The following CEP192 variants were observed in gnomAD, a reference collection of about 807,000 sequenced individuals.
CEP192 encodes the protein centrosomal protein of 192 kDa.
In CEP192, 151 loss-of-function variants were observed where a neutral mutation model predicts 271.8. That is an observed-to-expected ratio of 0.56 (90% CI 0.49 to 0.64). The LOEUF (loss-of-function observed/expected upper bound fraction) is 0.64, where lower values mean the gene tolerates loss of function less well. Ranked by LOEUF, CEP192 falls within the 30% of genes least tolerant of loss-of-function variation. The probability of loss-of-function intolerance (pLI) is 0.00; values close to 1 mark genes in which losing one functional copy is unlikely to be tolerated. For synonymous variants in CEP192, 995 were observed against 1,076.5 expected (o/e 0.92, Z 1.48); for missense variants, 2,910 against 3,020.5 (o/e 0.96, Z 0.86).
intron 40 of CEP192, among the ~76,000 whole-genome samples, chr18:13,111,450 C>G (rs2040206742): frequency 6.6e-6 from 1 of 152,098 alleles, no homozygotes; most frequent in Non-Finnish European, 1.5e-5. Flanking sequence ...TATTAACCAT[C>G]ACACTTACCT....
intron 21 of CEP192, among the ~76,000 whole-genome samples, chr18:13,067,322 A>G (rs2037763011): frequency 6.6e-6 from 1 of 152,130 alleles, no homozygotes; most frequent in South Asian, 2.1e-4. Context: ...ACTGTCAAAC[A>G]TTTCCACATG....
At chr18:13,106,678 G>A (rs1463813020) in intron 40 of CEP192, among the ~76,000 whole-genome samples, 2 of 132,606 alleles carry the variant, frequency 1.5e-5, no homozygotes, top group African/African-American at 2.9e-5. Flanking sequence ...CACCACCACC[G>A]CCACCACTCC....
chr18:13,082,834 C>G (rs2038694062), intron 30 of CEP192, among the ~76,000 whole-genome samples: 1 of 152,182 alleles, frequency 6.6e-6, no homozygotes, highest in Non-Finnish European at 1.5e-5. Context: ...CAAAATCTCT[C>G]AGCGTTTGCT....
chr18:13,068,813 T>A lies in CEP192; in HGVS notation c.4823-39T>A, dbSNP rs950074283. On this transcript the variant is annotated intron_variant, in intron 24 of 44. Coordinates refer to ENST00000506447, the MANE Select transcript of CEP192 (RefSeq NM_032142.4). Reference sequence around the variant, plus strand: ...CTGATGGCATTTAGAATTAAATAACTCTCTGGTCTCCAAGCTAAAAGAATG... The same window carrying A: ...CTGATGGCATTTAGAATTAAATAACACTCTGGTCTCCAAGCTAAAAGAATG... The A allele has an allele frequency of 3.1e-6, 5 of 1,612,268 alleles. No homozygotes were observed. In the African/African-American group the frequency reaches 5.3e-5, roughly 17 times the overall value.
intron 15 of CEP192, 111 bp downstream of exon 15, chr18:13,042,445 C>G: frequency 8.8e-7 from 1 of 1,141,814 alleles, no homozygotes; most frequent in Non-Finnish European, 1.2e-6. Context: ...TCTTTTCTTT[C>G]CTGGCTTCAG....
At chr18:13,090,785 A>G (rs2039105437) in intron 33 of CEP192, among the ~76,000 whole-genome samples, 1 of 152,176 alleles carries the variant, frequency 6.6e-6, no homozygotes, top group Admixed American at 6.5e-5. Context: ...CCTCATAGGA[A>G]GGATCCAAAT....
rs774362045 is a variant in CEP192, at chr18:13,037,194, T to C, written c.1535-43T>C. 3 of 788,386 alleles carry C rather than the reference T, an allele frequency of 3.8e-6. No individual in the cohort carries two copies. In the South Asian group the frequency reaches 4.7e-5, roughly 12 times the overall value. The allele number at this position is 788,386 out of a possible 1,614,324, so 48.8% of individuals were successfully genotyped here. ...TTGTATCTGTGTGCTAGTGTTTGTT[T>C]AGGCATTAGTGTAATGTATTTATAT... On this transcript the variant is annotated intron_variant, in intron 11 of 44. Transcript: ENST00000506447.
At chr18:12,998,486 G>A (rs1404856697) in intron 1 of CEP192, among the ~76,000 whole-genome samples, 1 of 152,168 alleles carries the variant, frequency 6.6e-6, no homozygotes, top group East Asian at 1.9e-4. Flanking sequence ...TTCTTCACCT[G>A]TAAAATGGGA....
intron 40 of CEP192, among the ~76,000 whole-genome samples, chr18:13,110,859 C>T (rs139009899): frequency 0.015 from 2,230 of 152,264 alleles, 57 homozygotes; most frequent in African/African-American, 0.048. Flanking sequence ...GCAGGAGGAA[C>T]GGAAGGAAGC....
intron 30 of CEP192, among the ~76,000 whole-genome samples, chr18:13,080,389 C>T (rs1205354724): frequency 1.3e-5 from 2 of 152,164 alleles, no homozygotes; most frequent in Non-Finnish European, 2.9e-5. Context: ...ATTTCATTCT[C>T]TTTGTAGCAA....
In CEP192 at chr18:13,073,247, T is replaced by G. The variant is rs193015601; in HGVS notation, c.5616+62T>G. The G allele has an allele frequency of 9.4e-6, 13 of 1,387,414 alleles. No homozygotes were observed. The East Asian group carries it at 3.0e-4, about 32-fold the overall frequency. 85.9% of individuals were successfully genotyped at this position (1,387,414 alleles called of 1,614,324 possible). The stretch of plus-strand genomic sequence containing the variant: ...TTTATGCCATTTTATAACTATTGGT[T>G]TAATGTTGTAAATTATACAGTCTGC... On this transcript the variant is annotated intron_variant, in intron 30 of 44. Transcript: ENST00000506447.
Position 13,030,031 on chromosome 18 carries a change from A to G in CEP192, c.1390+29A>G, listed in dbSNP as rs763637873. 29 of 1,427,166 alleles carry G rather than the reference A, an allele frequency of 2.0e-5. No individual in the cohort carries two copies. In the South Asian group the frequency reaches 3.0e-4, roughly 15 times the overall value. The allele number at this position is 1,427,166 out of a possible 1,614,324, so 88.4% of individuals were successfully genotyped here. ...AGTGGACTTTTTAAAAAATAGAGTG[A>G]AAGAAATAGATGTTCATACATTTTG... On this transcript the variant is annotated intron_variant, in intron 10 of 44. Transcript: ENST00000506447.
At chr18:13,000,091 C>CTCTCTTTTTTTTTTTTTTTTTT (rs1555698196) in intron 2 of CEP192, among the ~76,000 whole-genome samples, 2 of 76,750 alleles carry the variant, frequency 2.6e-5, no homozygotes, top group African/African-American at 4.3e-5. Context: ...TGTCTTCTCT[C>CTCTCTTTTTTTTTTTTTTTTTT]TTTTTTTTTT....
rs376010336 is a variant in CEP192, at chr18:13,089,460, C to G, written c.5998C>G (p.Leu2000Val). The part of the protein sequence containing the change: ...EISRQQYRRA[L>V]LHKPEMIKQI... Reference sequence around the variant, plus strand: ...AAAAAAAATCTCTCCTGGCAGGGCCCTGTTACATAAACCAGAGATGATAAA... The same window carrying G: ...AAAAAAAATCTCTCCTGGCAGGGCCGTGTTACATAAACCAGAGATGATAAA... The change falls in exon 33 of 45, where the codon CTG becomes GTG. Residue 2000 changes from leucine to valine, a missense_variant. Coordinates refer to ENST00000506447, the MANE Select transcript of CEP192 (RefSeq NM_032142.4). The G allele has an allele frequency of 8.8e-5, 136 of 1,543,588 alleles. No homozygotes were observed. The highest frequency in any genetic ancestry group is 2.7e-4 in the Admixed American group (14 of 51,306).
At position 13,073,066 on chromosome 18, in the gene CEP192, C is replaced by T. The variant is rs749813532; in HGVS notation, c.5497C>T (p.His1833Tyr). 10 of 1,613,490 alleles carry T rather than the reference C, an allele frequency of 6.2e-6. No individual in the cohort carries two copies. In the East Asian group the frequency reaches 2.2e-4, roughly 36 times the overall value. The change falls in exon 30 of 45, where the codon CAC (histidine) becomes TAC (tyrosine). Residue 1833 changes from histidine (H) to tyrosine (Y), a missense_variant. Transcript: ENST00000506447. The part of the protein sequence containing the change: ...RLTSNCEIRI[H>Y]PKEDIFISVL... ...GACCAGTAACTGTGAGATCAGAATT[C>T]ACCCAAAGGAAGACATTTTCATCTC...
At chr18:13,074,406 T>A (rs1051950660) in intron 30 of CEP192, among the ~76,000 whole-genome samples, 2 of 152,182 alleles carry the variant, frequency 1.3e-5, no homozygotes, top group Non-Finnish European at 2.9e-5. Flanking sequence ...GATCTGATTT[T>A]GTGTGAGGAT....
At chr18:13,084,230 TG>T (rs1327231099) in intron 30 of CEP192, among the ~76,000 whole-genome samples, 1 of 152,042 alleles carries the variant, frequency 6.6e-6, no homozygotes, top group Non-Finnish European at 1.5e-5. Flanking sequence ...CCCCTAGAGG[TG>T]GGCTCTATAG....
chr18:13,027,555 C>T (rs76740285), intron 9 of CEP192, among the ~76,000 whole-genome samples: 4,255 of 152,192 alleles, frequency 0.028, 179 homozygotes, highest in African/African-American at 0.095. Context: ...CTGTATTTGC[C>T]TGTCTCTCCA....
At chr18:13,121,282 AT>A (rs1290415115) in intron 44 of CEP192, among the ~76,000 whole-genome samples, 1 of 152,196 alleles carries the variant, frequency 6.6e-6, no homozygotes. Flanking sequence ...TTAACTACAC[AT>A]TTCCAAAGCA....
Sources: allele counts gnomAD v4.1 joint callset (sites outside exome capture counted in the v4.1 genomes callset), GRCh38; gene constraint gnomAD v4.1.1; transcripts MANE v1.5; gene names NCBI Gene and HGNC (gene_info 2026-07-23, HGNC 2026-07-21).